AMBRA1: variants seen among roughly 807,000 people sequenced by gnomAD.
The protein encoded by AMBRA1 is activating molecule in BECN1-regulated autophagy protein 1.
Under a neutral mutation model 125.4 loss-of-function variants are expected in AMBRA1, and 47 were observed. That is an observed-to-expected ratio of 0.37 (90% confidence interval 0.30 to 0.48). The LOEUF (loss-of-function observed/expected upper bound fraction) is 0.48, where lower values mean the gene tolerates loss of function less well. AMBRA1 is among the 20% of genes least tolerant of loss of function. AMBRA1 has a pLI of 0.99. For missense variants in AMBRA1, 1,331 were observed against 1,693.4 expected (o/e 0.79, Z 3.76); for synonymous variants, 626 against 655.5 (o/e 0.95, Z 0.69).
At chr11:46,435,118 G>T in intron 12 of AMBRA1, 81 bp from the exon 13 acceptor site, 1 of 1,319,338 alleles carries the variant, frequency 7.6e-7, no homozygotes, top group South Asian at 1.5e-5. Context: ...GAAACTTTAG[G>T]GACTTCCTAA....
chr11:46,453,019 AACC>A (rs1453725712), intron 11 of AMBRA1, among the ~76,000 whole-genome samples: 1 of 152,188 alleles, frequency 6.6e-6, no homozygotes, highest in East Asian at 1.9e-4. Context: ...TAAATTTTAC[AACC>A]ACCATCATTA....
At chr11:46,484,637 C>T (rs1380929640) in intron 11 of AMBRA1, among the ~76,000 whole-genome samples, 1 of 151,494 alleles carries the variant, frequency 6.6e-6, no homozygotes, top group African/African-American at 2.4e-5. Flanking sequence ...CTGCCACCAC[C>T]TATACTTCTT....
At chr11:46,518,780 T>G (rs151268102) in intron 7 of AMBRA1, among the ~76,000 whole-genome samples, 4 of 152,310 alleles carry the variant, frequency 2.6e-5, no homozygotes, top group Middle Eastern at 6.8e-3. Context: ...AAATGAATAT[T>G]AAGCTCTGCT....
intron 1 of AMBRA1, among the ~76,000 whole-genome samples, chr11:46,560,371 T>C (rs2043291361): frequency 6.6e-6 from 1 of 152,168 alleles, no homozygotes; most frequent in Admixed American, 6.5e-5. Flanking sequence ...GTAACTATAA[T>C]AAGGGGGGAG....
chr11:46,437,369 CT>C (rs1947773023), intron 12 of AMBRA1, among the ~76,000 whole-genome samples: 2 of 152,212 alleles, frequency 1.3e-5, no homozygotes, highest in South Asian at 4.1e-4. Context: ...TTCCTGGCTA[CT>C]GCAATGAGCT....
intron 1 of AMBRA1, among the ~76,000 whole-genome samples, chr11:46,583,567 C>T (rs1319521634): frequency 1.6e-5 from 2 of 122,126 alleles, no homozygotes; most frequent in Admixed American, 2.0e-4. Context: ...AACAGGCAAC[C>T]TACAAAATGG....
intron 7 of AMBRA1, among the ~76,000 whole-genome samples, chr11:46,535,108 T>C (rs1020080583): frequency 6.6e-6 from 1 of 152,240 alleles, no homozygotes; most frequent in Non-Finnish European, 1.5e-5. Flanking sequence ...TCTCTCTTCC[T>C]AGAAAGAACA....
At chr11:46,405,499 G>A (rs1160321721) in intron 17 of AMBRA1, among the ~76,000 whole-genome samples, 1 of 152,062 alleles carries the variant, frequency 6.6e-6, no homozygotes, top group Non-Finnish European at 1.5e-5. Context: ...AGGGAGGCTT[G>A]CTTGAAGCTA....
At chr11:46,470,584 G>A (rs1221702141) in intron 11 of AMBRA1, among the ~76,000 whole-genome samples, 5 of 108,354 alleles carry the variant, frequency 4.6e-5, no homozygotes, top group East Asian at 2.4e-4. Context: ...GTGAGACTCC[G>A]TCTCAAAAAA....
Position 46,410,297 on chromosome 11 carries a change from C to T in AMBRA1, c.3188G>A (p.Ser1063Asn), listed in dbSNP as rs780727462. 1.2e-6 allele frequency: 2 copies of T among 1,613,804 alleles called. No homozygotes were observed. Among genetic ancestry groups the T allele is most frequent in the Non-Finnish European group, 1.7e-6 (2 of 1,179,906 alleles). ...ATACCCAGGCCGCTCGCTGCTCCTGCTGTTGGAATGGACAGTGAAGACCGT... is the reference window on the plus strand; with the variant it reads ...ATACCCAGGCCGCTCGCTGCTCCTGTTGTTGGAATGGACAGTGAAGACCGT... ...NETVFTVHSN[S>N]RSSERPGTSR... The change falls in exon 16 of 18, where the codon AGC becomes AAC. Residue 1063 changes from serine to asparagine, a missense_variant. Ser to Asn is a conservative substitution (Grantham distance 46). Transcript: ENST00000683756.
intron 7 of AMBRA1, among the ~76,000 whole-genome samples, chr11:46,520,641 G>A (rs1334121360): frequency 6.6e-6 from 1 of 150,930 alleles, no homozygotes; most frequent in Non-Finnish European, 1.5e-5. Flanking sequence ...TGTCACCAAG[G>A]CTGGAGTGCA....
intron 9 of AMBRA1, among the ~76,000 whole-genome samples, chr11:46,502,595 G>T (rs1227292096): frequency 6.6e-6 from 1 of 152,172 alleles, no homozygotes; most frequent in East Asian, 1.9e-4. Flanking sequence ...GAAGAGAGCA[G>T]GAACAAGTAC....
intron 1 of AMBRA1, among the ~76,000 whole-genome samples, chr11:46,552,886 A>AT (rs530961435): frequency 2.3e-3 from 345 of 149,130 alleles, no homozygotes; most frequent in African/African-American, 8.0e-3. Flanking sequence ...GCAAGTTTCT[A>AT]TTTTTTTTTC....
At position 46,564,302 on chromosome 11, in the gene AMBRA1, T is replaced by C. The variant is rs1311550772; in HGVS notation, c.-120-15802A>G. On this transcript the variant is annotated intron_variant, in intron 1 of 17. Transcript: ENST00000683756. ...CAAGTGATAGAATATAACACATATA[T>C]ATACACTTAAAGCAACATATTATCT... Among the ~76,000 whole-genome samples the C allele has an allele frequency of 5.3e-5, 8 of 151,782 alleles. No homozygotes were observed. The East Asian group carries it at 1.5e-3, about 29-fold the overall frequency.
At chr11:46,568,405 CT>C (rs1330593130) in intron 1 of AMBRA1, among the ~76,000 whole-genome samples, 1 of 151,930 alleles carries the variant, frequency 6.6e-6, no homozygotes, top group Non-Finnish European at 1.5e-5. Flanking sequence ...TTGCAGTGAG[CT>C]GAGATCATGC....
At chr11:46,494,012 C>T (rs1590947978) in intron 10 of AMBRA1, 112 bp downstream of exon 10, 1 of 1,030,476 alleles carries the variant, frequency 9.7e-7, no homozygotes, top group East Asian at 2.6e-5. Flanking sequence ...GGCTATGGGC[C>T]CACTAGGAAA....
chr11:46,408,311 C>T (rs1245939371), intron 17 of AMBRA1, among the ~76,000 whole-genome samples: 4 of 152,292 alleles, frequency 2.6e-5, no homozygotes, highest in African/African-American at 9.6e-5. Flanking sequence ...AGGAGAGGGA[C>T]ATCAGTGTAC....
At chr11:46,570,369 A>C (rs2043713617) in intron 1 of AMBRA1, among the ~76,000 whole-genome samples, 2 of 150,430 alleles carry the variant, frequency 1.3e-5, no homozygotes, top group African/African-American at 4.9e-5. Context: ...GCCCAGAGGG[A>C]GAAGTACGAA....
intron 7 of AMBRA1, among the ~76,000 whole-genome samples, chr11:46,529,756 T>C (rs1381115488): frequency 6.6e-6 from 1 of 152,082 alleles, no homozygotes; most frequent in Non-Finnish European, 1.5e-5. Context: ...AAAAAAAACA[T>C]CCAAATTTTT....
Sources: gnomAD v4.1 joint callset for allele counts (sites outside exome capture counted in the v4.1 genomes callset) on GRCh38, gnomAD v4.1.1 for gene constraint, MANE v1.5 for transcripts, NCBI Gene and HGNC (gene_info 2026-07-23, HGNC 2026-07-21) for gene names.